Variants in ZNF385B observed in about 807,000 individuals in gnomAD.
The protein encoded by ZNF385B is zinc finger protein 385B.
A neutral mutation model predicts 39.2 loss-of-function variants in ZNF385B; 23 were observed. That is an observed-to-expected ratio of 0.59 (90% confidence interval 0.42 to 0.83). ZNF385B has a LOEUF of 0.83. Ranked by LOEUF, ZNF385B falls within the 40% of genes least tolerant of loss-of-function variation. ZNF385B has a pLI of 0.00. For synonymous variants in ZNF385B, 205 were observed against 222.6 expected (o/e 0.92, Z 0.70); for missense variants, 552 against 598.9 (o/e 0.92, Z 0.82).
intron 5 of ZNF385B, among the ~76,000 whole-genome samples, chr2:179,493,536 C>T (rs939457947): frequency 5.3e-5 from 8 of 149,708 alleles, no homozygotes; most frequent in African/African-American, 1.5e-4. Context: ...TACATATATG[C>T]GTATACATAC....
chr2:179,715,038 C>T (rs1435130777), intron 3 of ZNF385B, among the ~76,000 whole-genome samples: 1 of 150,634 alleles, frequency 6.6e-6, no homozygotes, highest in African/African-American at 2.4e-5. Context: ...CCTGTTTATA[C>T]CTACCCCCAA....
At chr2:179,475,635 A>G (rs2053332014) in intron 6 of ZNF385B, among the ~76,000 whole-genome samples, 1 of 109,026 alleles carries the variant, frequency 9.2e-6, no homozygotes, top group Admixed American at 9.6e-5. Context: ...TGTGTTCACA[A>G]CAGGGAACCT....
At chr2:179,755,312 T>G (rs961062284) in intron 3 of ZNF385B, among the ~76,000 whole-genome samples, 1 of 152,246 alleles carries the variant, frequency 6.6e-6, no homozygotes, top group Non-Finnish European at 1.5e-5. Context: ...TGTTATAATT[T>G]CTGTTCTTTT....
At chr2:179,735,987 C>T (rs536172137) in intron 3 of ZNF385B, among the ~76,000 whole-genome samples, 1 of 151,014 alleles carries the variant, frequency 6.6e-6, no homozygotes, top group Non-Finnish European at 1.5e-5. Flanking sequence ...ACGTATGTAA[C>T]CTGCACAATG....
At chr2:179,627,226 A>G (rs1293267516) in intron 3 of ZNF385B, among the ~76,000 whole-genome samples, 1 of 152,164 alleles carries the variant, frequency 6.6e-6, no homozygotes, top group Non-Finnish European at 1.5e-5. Context: ...TCTGGGCAGG[A>G]AGCCTTCTGA....
At chr2:179,456,015 T>C (rs564946580) in intron 6 of ZNF385B, among the ~76,000 whole-genome samples, 5 of 152,320 alleles carry the variant, frequency 3.3e-5, no homozygotes, top group Non-Finnish European at 7.3e-5. Context: ...ATACACTGAA[T>C]GATGTTTGCA....
chr2:179,525,710 C>A (rs2058842893), intron 4 of ZNF385B, among the ~76,000 whole-genome samples: 1 of 152,164 alleles, frequency 6.6e-6, no homozygotes, highest in Non-Finnish European at 1.5e-5. Context: ...TTTTTTATCC[C>A]TTCCTTCTTG....
chr2:179,580,431 G>C (rs1686358173), intron 3 of ZNF385B, among the ~76,000 whole-genome samples: 1 of 152,110 alleles, frequency 6.6e-6, no homozygotes, highest in Non-Finnish European at 1.5e-5. Context: ...ATAAATGAAA[G>C]AAAGACCAGT....
chr2:179,593,914 A>T (rs1687781913), intron 3 of ZNF385B, among the ~76,000 whole-genome samples: 1 of 152,200 alleles, frequency 6.6e-6, no homozygotes, highest in Admixed American at 6.5e-5. Flanking sequence ...TCTCCTGTCA[A>T]GAGTGTACAC....
chr2:179,653,958 A>C (rs1693465438), intron 3 of ZNF385B, among the ~76,000 whole-genome samples: 1 of 152,224 alleles, frequency 6.6e-6, no homozygotes, highest in Non-Finnish European at 1.5e-5. Context: ...GAGATGCACA[A>C]TGGTAAGGAG....
intron 5 of ZNF385B, among the ~76,000 whole-genome samples, chr2:179,509,158 G>C (rs2057471911): frequency 6.6e-6 from 1 of 151,972 alleles, no homozygotes; most frequent in Non-Finnish European, 1.5e-5. Context: ...ATGTTAACCA[G>C]GATGGTCTCG....
intron 6 of ZNF385B, among the ~76,000 whole-genome samples, chr2:179,473,671 C>G (rs1036610612): frequency 6.6e-6 from 1 of 152,166 alleles, no homozygotes; most frequent in African/African-American, 2.4e-5. Flanking sequence ...CATCCCCCCC[C>G]ATTGCCCCTA....
Position 179,442,355 on chromosome 2 carries a change from T to C in ZNF385B, c.*895A>G, listed in dbSNP as rs919424198. ...ATGGATTCATTGTCTTCTTGCAGAA[T>C]GCACAAGAGGTGCAAAAATGTGCAA... On this transcript the variant is annotated 3_prime_UTR_variant, in exon 10 of 10. Transcript: ENST00000410066. 3.9e-5 allele frequency: 6 copies of C among 152,684 alleles called. No homozygotes were observed. Among genetic ancestry groups the C allele is most frequent in the Non-Finnish European group, 7.3e-5 (5 of 68,044 alleles). 9.5% of individuals were successfully genotyped at this position (152,684 alleles called of 1,614,324 possible).
rs368630142 is a variant in ZNF385B, at chr2:179,674,295, C to T, written c.298+95208G>A. On this transcript the variant is annotated intron_variant, in intron 3 of 9. Coordinates refer to ENST00000410066, the MANE Select transcript of ZNF385B (RefSeq NM_152520.6). ...GTGAAGGAGACGGATTATTATTAAT[C>T]AAGTAAATGTAGAATTGTAATTGAG... Among the ~76,000 whole-genome samples, 2 of 152,122 alleles carry T rather than the reference C, an allele frequency of 1.3e-5. 1 individual carries two copies. Among genetic ancestry groups the T allele is most frequent in the Admixed American group, 1.3e-4 (2 of 15,276 alleles).
At chr2:179,619,057 AT>A (rs1282466383) in intron 3 of ZNF385B, among the ~76,000 whole-genome samples, 1 of 152,196 alleles carries the variant, frequency 6.6e-6, no homozygotes, top group African/African-American at 2.4e-5. Context: ...AAAGAATTAA[AT>A]GACTCAGCCC....
intron 1 of ZNF385B, among the ~76,000 whole-genome samples, chr2:179,833,955 T>C (rs1345254915): frequency 6.6e-6 from 1 of 152,142 alleles, no homozygotes; most frequent in East Asian, 1.9e-4. Context: ...GATATTGGTG[T>C]AGCAATTCTA....
At chr2:179,571,832 C>G (rs1685244976) in intron 3 of ZNF385B, among the ~76,000 whole-genome samples, 1 of 152,046 alleles carries the variant, frequency 6.6e-6, no homozygotes, top group Non-Finnish European at 1.5e-5. Flanking sequence ...GGCCATATTC[C>G]TACCCAGTTC....
chr2:179,772,384 C>A (rs1470444310), intron 1 of ZNF385B, among the ~76,000 whole-genome samples: 1 of 152,122 alleles, frequency 6.6e-6, no homozygotes, highest in Admixed American at 6.6e-5. Flanking sequence ...TAGAAAAGAC[C>A]CAATGCCTGG....
intron 3 of ZNF385B, among the ~76,000 whole-genome samples, chr2:179,558,879 T>C (rs913652058): frequency 1.3e-5 from 2 of 152,162 alleles, no homozygotes; most frequent in African/African-American, 4.8e-5. Context: ...TGAAAGCCCC[T>C]GTTCCATCCC....
Sources: allele counts gnomAD v4.1 joint callset (sites outside exome capture counted in the v4.1 genomes callset), GRCh38; gene constraint gnomAD v4.1.1; transcripts MANE v1.5; gene names NCBI Gene and HGNC (gene_info 2026-07-23, HGNC 2026-07-21).